PRMT3: variants seen among roughly 807,000 people sequenced by gnomAD.
PRMT3 encodes protein arginine N-methyltransferase 3.
PRMT3 carries 62 observed loss-of-function variants against 71.9 expected under a neutral mutation model. That is an observed-to-expected ratio of 0.86 (90% CI 0.70 to 1.07). PRMT3 has a LOEUF of 1.07. Among genes scored for constraint, PRMT3 ranks in the 50% least tolerant of loss-of-function variants. The pLI, the probability that PRMT3 is intolerant of heterozygous loss-of-function variation, is 0.00. For synonymous variants in PRMT3, 213 were observed against 220.4 expected, an observed-to-expected ratio of 0.97 and a Z score of 0.30; for missense variants, 663 against 643.0, an observed-to-expected ratio of 1.03 and a Z score of -0.34.
chr11:20,489,987 T>A (rs989157232), intron 13 of PRMT3, among the ~76,000 whole-genome samples: 1 of 148,528 alleles, frequency 6.7e-6, no homozygotes, highest in Non-Finnish European at 1.5e-5. Flanking sequence ...ACAAACCCTG[T>A]CTCTTTAAGG....
At chr11:20,476,186 C>T (rs1850779221) in intron 13 of PRMT3, among the ~76,000 whole-genome samples, 1 of 151,542 alleles carries the variant, frequency 6.6e-6, no homozygotes, top group South Asian at 2.1e-4. Flanking sequence ...CTCATCTCTA[C>T]TAAAAATACA....
chr11:20,473,681 A>T (rs1190752779), intron 13 of PRMT3, among the ~76,000 whole-genome samples: 1 of 152,124 alleles, frequency 6.6e-6, no homozygotes, highest in East Asian at 1.9e-4. Flanking sequence ...TTGGGTTGCA[A>T]CGTGCTCCTT....
At chr11:20,488,865 A>G (rs957404828) in intron 13 of PRMT3, among the ~76,000 whole-genome samples, 1 of 152,196 alleles carries the variant, frequency 6.6e-6, no homozygotes, top group Admixed American at 6.5e-5. Context: ...CTTTATACAT[A>G]TAAACAAAAC....
Position 20,494,172 on chromosome 11 carries a change from G to A in PRMT3, c.1404G>A (p.Val468=). 11 of 1,605,556 alleles carry A rather than the reference G, an allele frequency of 6.9e-6. No individual in the cohort carries two copies. The highest frequency in any genetic ancestry group is 9.4e-6 in the Non-Finnish European group (11 of 1,172,538). The change falls in exon 15 of 16, where the codon GTG becomes GTA. Residue 468 remains valine, a synonymous_variant. Transcript: ENST00000331079. ...TTTGAACTTTACCAATTCAGGTCGT[G>A]TTCTCTACGGGCCCTCAGAGCACCA... ...YFEKNCHNRV[V]FSTGPQSTKT...
chr11:20,408,104 T>G, intron 9 of PRMT3, 72 bp downstream of exon 9: 1 of 1,148,444 alleles, frequency 8.7e-7, no homozygotes, highest in Non-Finnish European at 1.2e-6. Flanking sequence ...TTTCTTGTCT[T>G]TAGTAGCTAT....
chr11:20,419,315 T>C (rs1263159977), intron 9 of PRMT3, among the ~76,000 whole-genome samples: 1 of 152,244 alleles, frequency 6.6e-6, no homozygotes, highest in African/African-American at 2.4e-5. Flanking sequence ...CTGTGAAATA[T>C]CTGTTTATGC....
intron 13 of PRMT3, among the ~76,000 whole-genome samples, chr11:20,473,671 T>C (rs1329049914): frequency 2.6e-5 from 4 of 152,160 alleles, no homozygotes; most frequent in Admixed American, 2.0e-4. Context: ...CTTCTTTACA[T>C]TGGGTTGCAA....
At chr11:20,424,339 C>T (rs1849495755) in intron 9 of PRMT3, among the ~76,000 whole-genome samples, 1 of 152,136 alleles carries the variant, frequency 6.6e-6, no homozygotes, top group South Asian at 2.1e-4. Flanking sequence ...CATAAGGATA[C>T]ACATCTAAAT....
At chr11:20,507,413 A>G (rs1851616137) in intron 15 of PRMT3, among the ~76,000 whole-genome samples, 1 of 152,122 alleles carries the variant, frequency 6.6e-6, no homozygotes. Flanking sequence ...TTATGACCAC[A>G]ATAGTTTTAC....
At chr11:20,507,014 G>A (rs1851606414) in intron 15 of PRMT3, among the ~76,000 whole-genome samples, 1 of 152,064 alleles carries the variant, frequency 6.6e-6, no homozygotes, top group Non-Finnish European at 1.5e-5. Context: ...TGCATCAATG[G>A]CCAATGGCTT....
intron 8 of PRMT3, among the ~76,000 whole-genome samples, chr11:20,404,882 C>T (rs1429138152): frequency 6.6e-6 from 1 of 152,032 alleles, no homozygotes; most frequent in African/African-American, 2.4e-5. Context: ...TTTTAGCCAT[C>T]TTCTCTTAAT....
chr11:20,397,967 A>T (rs547235975), intron 7 of PRMT3, among the ~76,000 whole-genome samples: 2 of 145,336 alleles, frequency 1.4e-5, no homozygotes, highest in Non-Finnish European at 3.0e-5. Flanking sequence ...TGAGCCCAGG[A>T]GTTTGACACC....
chr11:20,402,376 C>T (rs1473240365), intron 7 of PRMT3, among the ~76,000 whole-genome samples: 2 of 152,162 alleles, frequency 1.3e-5, no homozygotes, highest in Non-Finnish European at 2.9e-5. Flanking sequence ...GCCTCGGCCT[C>T]CCAAAGTGCT....
intron 13 of PRMT3, among the ~76,000 whole-genome samples, chr11:20,492,905 A>G (rs1480821345): frequency 6.6e-6 from 1 of 152,066 alleles, no homozygotes; most frequent in Non-Finnish European, 1.5e-5. Flanking sequence ...AAAAATATAA[A>G]AATTAGCCGG....
intron 10 of PRMT3, among the ~76,000 whole-genome samples, chr11:20,439,206 A>G (rs1446759417): frequency 1.3e-5 from 2 of 152,136 alleles, no homozygotes; most frequent in Non-Finnish European, 2.9e-5. Context: ...TTCAGCTGGC[A>G]TATTGCTTGT....
intron 8 of PRMT3, chr11:20,405,871 A>G (rs1849058355): frequency 6.6e-6 from 1 of 152,208 alleles, no homozygotes; most frequent in African/African-American, 2.4e-5. Context: ...GGTATTAAAT[A>G]CATTTATAAT....
chr11:20,452,318 G>C (rs923830571), intron 11 of PRMT3, 110 bp downstream of exon 11: 2 of 804,538 alleles, frequency 2.5e-6, no homozygotes, highest in African/African-American at 3.5e-5. Flanking sequence ...CGATAGGGTT[G>C]AAAGATGTTT....
chr11:20,431,160 G>T (rs1849646337), intron 10 of PRMT3, among the ~76,000 whole-genome samples: 1 of 152,072 alleles, frequency 6.6e-6, no homozygotes, highest in Admixed American at 6.5e-5. Context: ...TTGTAAAATT[G>T]TAAGAGAACG....
At chr11:20,508,149 TAAAAAAAAAAAAA>T (rs11338942) in intron 15 of PRMT3, among the ~76,000 whole-genome samples, 142 bp from the exon 16 acceptor site, 1 of 122,890 alleles carries the variant, frequency 8.1e-6, no homozygotes, top group Non-Finnish European at 1.7e-5. Flanking sequence ...GACTCCATCT[TAAAAAAAAAAAAA>T]AAAAAAAAGA....
Sources: allele counts gnomAD v4.1 joint callset (sites outside exome capture counted in the v4.1 genomes callset), GRCh38; gene constraint gnomAD v4.1.1; transcripts MANE v1.5; gene names NCBI Gene and HGNC (gene_info 2026-07-23, HGNC 2026-07-21).